Variants in SPATA17 observed in about 807,000 individuals in gnomAD.
SPATA17 encodes the protein spermatogenesis-associated protein 17.
A neutral mutation model predicts 62.2 loss-of-function variants in SPATA17; 53 were observed. That is an observed-to-expected ratio of 0.85 (90% CI 0.68 to 1.07). The LOEUF is 1.07. Ranked by LOEUF, SPATA17 falls within the 50% of genes least tolerant of loss-of-function variation. SPATA17 has a pLI of 0.00. For missense variants in SPATA17, 466 were observed against 425.5 expected (o/e 1.10, Z -0.84); for synonymous variants, 146 against 146.8 (o/e 0.99, Z 0.04).
At chr1:217,860,136 C>T (rs1009525045) in intron 9 of SPATA17, among the ~76,000 whole-genome samples, 1 of 152,034 alleles carries the variant, frequency 6.6e-6, no homozygotes, top group African/African-American at 2.4e-5. Context: ...TTTTATTTCT[C>T]TTGAGACTTT....
Position 217,774,399 on chromosome 1 carries a change from G to T in SPATA17, c.585G>T (p.Lys195Asn), listed in dbSNP as rs1258315126. The change falls in exon 7 of 11, where the codon AAG becomes AAT. Residue 195 changes from lysine to asparagine, a missense_variant. By Grantham distance (94) the Lys-to-Asn change is moderately conservative. Transcript: ENST00000366933. ...EPDPWELQLQ[K>N]AKPLTHRRPK... ...ATCCATGGGAGCTGCAATTACAGAA[G>T]GCAAAGCCTTTAACACACCGAAGAC... 4 of 1,614,010 alleles carry T rather than the reference G, an allele frequency of 2.5e-6. No individual in the cohort carries two copies. The highest frequency in any genetic ancestry group is 3.4e-6 in the Non-Finnish European group (4 of 1,179,960).
chr1:217,755,619 A>G (rs936942449), intron 6 of SPATA17, among the ~76,000 whole-genome samples: 4 of 152,002 alleles, frequency 2.6e-5, no homozygotes, highest in African/African-American at 9.7e-5. Context: ...ATTCAGCAAT[A>G]TTTTCCATTA....
At chr1:217,794,452 C>A (rs116994221) in intron 8 of SPATA17, among the ~76,000 whole-genome samples, 1 of 152,228 alleles carries the variant, frequency 6.6e-6, no homozygotes, top group East Asian at 1.9e-4. Context: ...AAATCATTGA[C>A]GGAGCTACTC....
intron 5 of SPATA17, among the ~76,000 whole-genome samples, chr1:217,708,987 C>T (rs1468249420): frequency 6.6e-6 from 1 of 152,054 alleles, no homozygotes; most frequent in Non-Finnish European, 1.5e-5. Context: ...AATTCAGCAT[C>T]CCTTCATGAT....
chr1:217,728,931 A>G (rs1190164796), intron 5 of SPATA17, among the ~76,000 whole-genome samples: 2 of 152,150 alleles, frequency 1.3e-5, no homozygotes. Context: ...TAACTATCCC[A>G]CAAGATCTCT....
chr1:217,835,611 A>G (rs1347191192), intron 9 of SPATA17, among the ~76,000 whole-genome samples: 1 of 152,156 alleles, frequency 6.6e-6, no homozygotes, highest in East Asian at 1.9e-4. Flanking sequence ...GTAAGTCAAT[A>G]CATGGATGAA....
At chr1:217,819,975 AC>A (rs1488574503) in intron 9 of SPATA17, among the ~76,000 whole-genome samples, 2 of 152,158 alleles carry the variant, frequency 1.3e-5, no homozygotes, top group African/African-American at 4.8e-5. Context: ...TGTTTTAAAT[AC>A]CCCAGAGAAA....
At chr1:217,748,614 G>A (rs1291121951) in intron 6 of SPATA17, among the ~76,000 whole-genome samples, 2 of 151,148 alleles carry the variant, frequency 1.3e-5, no homozygotes, top group Admixed American at 1.3e-4. Flanking sequence ...ATGTGGTGGC[G>A]GGCGCCTGTA....
chr1:217,710,206 G>A (rs535254772), intron 5 of SPATA17, among the ~76,000 whole-genome samples: 1 of 152,210 alleles, frequency 6.6e-6, no homozygotes, highest in African/African-American at 2.4e-5. Context: ...AAAGATAAAT[G>A]GGATTGATTA....
intron 5 of SPATA17, among the ~76,000 whole-genome samples, chr1:217,687,340 G>A (rs1671239599): frequency 6.6e-6 from 1 of 152,028 alleles, no homozygotes; most frequent in South Asian, 2.1e-4. Flanking sequence ...ACATAAAACA[G>A]ATGTATTTCT....
chr1:217,860,449 C>T (rs1376147221), intron 9 of SPATA17, among the ~76,000 whole-genome samples: 1 of 152,084 alleles, frequency 6.6e-6, no homozygotes, highest in Non-Finnish European at 1.5e-5. Context: ...TATATTCTGC[C>T]TGCTGGATCT....
At chr1:217,712,829 A>G (rs905197449) in intron 5 of SPATA17, among the ~76,000 whole-genome samples, 1 of 152,152 alleles carries the variant, frequency 6.6e-6, no homozygotes, top group Non-Finnish European at 1.5e-5. Flanking sequence ...ATGTTTTGGC[A>G]TCCAGAGACC....
chr1:217,823,453 A>G (rs1228031399), intron 9 of SPATA17, among the ~76,000 whole-genome samples: 7 of 151,480 alleles, frequency 4.6e-5, no homozygotes. Context: ...ACTCTGCTCT[A>G]GTTCTAAGCA....
chr1:217,773,342 A>G (rs796107172), intron 6 of SPATA17, among the ~76,000 whole-genome samples: 7 of 152,280 alleles, frequency 4.6e-5, no homozygotes, highest in African/African-American at 1.7e-4. Flanking sequence ...AAGACACCAA[A>G]TAAGTCATAT....
intron 8 of SPATA17, among the ~76,000 whole-genome samples, chr1:217,787,744 T>A (rs1361853823): frequency 1.3e-5 from 2 of 152,132 alleles, no homozygotes; most frequent in Non-Finnish European, 2.9e-5. Flanking sequence ...TCTTCACTGA[T>A]CTTCAGTTAT....
intron 3 of SPATA17, among the ~76,000 whole-genome samples, chr1:217,662,221 G>A (rs1670587261): frequency 6.6e-6 from 1 of 152,054 alleles, no homozygotes; most frequent in Non-Finnish European, 1.5e-5. Flanking sequence ...AATCACCATA[G>A]TCTGAGAGCA....
At chr1:217,727,901 A>G (rs1465237282) in intron 5 of SPATA17, among the ~76,000 whole-genome samples, 2 of 152,170 alleles carry the variant, frequency 1.3e-5, no homozygotes, top group Admixed American at 6.5e-5. Context: ...AATATGTCAT[A>G]AAGTTGTTTA....
chr1:217,633,387 TTAGA>T (rs1283840522), intron 1 of SPATA17, among the ~76,000 whole-genome samples: 1 of 144,614 alleles, frequency 6.9e-6, no homozygotes, highest in Non-Finnish European at 1.6e-5. Context: ...TATCTATTTA[TTAGA>T]TAATCTATAT....
intron 9 of SPATA17, among the ~76,000 whole-genome samples, chr1:217,829,982 A>G (rs1264688341): frequency 6.6e-6 from 1 of 152,100 alleles, no homozygotes; most frequent in Non-Finnish European, 1.5e-5. Context: ...TCTACTCACT[A>G]TAGTAAACAT....
Sources: gnomAD v4.1 joint callset for allele counts (sites outside exome capture counted in the v4.1 genomes callset) on GRCh38, gnomAD v4.1.1 for gene constraint, MANE v1.5 for transcripts, NCBI Gene and HGNC (gene_info 2026-07-23, HGNC 2026-07-21) for gene names.